The following AGBL4 variants were observed in gnomAD, a reference collection of about 807,000 sequenced individuals.
AGBL4 encodes AGBL carboxypeptidase 4.
In AGBL4, 58 loss-of-function variants were observed where a neutral mutation model predicts 66.4. That is an observed-to-expected ratio of 0.87 (90% CI 0.71 to 1.09). The LOEUF is 1.09. Among genes scored for constraint, AGBL4 ranks in the 50% least tolerant of loss-of-function variants. AGBL4 has a pLI of 0.00. For synonymous variants in AGBL4, 234 were observed against 222.9 expected, an observed-to-expected ratio of 1.05 and a Z score of -0.44; for missense variants, 579 against 631.0, an observed-to-expected ratio of 0.92 and a Z score of 0.88.
chr1:49,464,276 T>G, intron 3 of AGBL4, among the ~76,000 whole-genome samples: 1 of 151,850 alleles, frequency 6.6e-6, no homozygotes, highest in Non-Finnish European at 1.5e-5. Flanking sequence ...TGCTTAGACC[T>G]AAATGGAGAT....
chr1:49,689,549 C>T (rs1267427688), intron 3 of AGBL4, among the ~76,000 whole-genome samples: 2 of 151,996 alleles, frequency 1.3e-5, no homozygotes, highest in Admixed American at 6.6e-5. Context: ...AGCTTTGGTT[C>T]TTCTGGGTCT....
chr1:48,935,978 A>G lies in AGBL4; in HGVS notation c.595-68748T>C, dbSNP rs1268004458. On this transcript the variant is annotated intron_variant, in intron 5 of 13. Coordinates refer to ENST00000371839, the MANE Select transcript of AGBL4 (RefSeq NM_032785.4). Reference sequence around the variant, plus strand: ...TGTCTGAAAAAAAAAAAAAAAAAAAAAAAAAAAAAAAAAAAAAGATACAAG... The same window carrying G: ...TGTCTGAAAAAAAAAAAAAAAAAAAGAAAAAAAAAAAAAAAAAGATACAAG... Among the ~76,000 whole-genome samples the G allele has an allele frequency of 1.3e-4, 19 of 141,258 alleles. 1 individual carries two copies. Among genetic ancestry groups the G allele is most frequent in the Non-Finnish European group, 1.2e-4 (8 of 64,408 alleles). The allele number at this position is 141,258 out of a possible 152,430, so 92.7% of individuals were successfully genotyped here.
chr1:49,158,486 A>G (rs1240560112), intron 4 of AGBL4, among the ~76,000 whole-genome samples: 2 of 152,132 alleles, frequency 1.3e-5, no homozygotes, highest in Non-Finnish European at 2.9e-5. Flanking sequence ...TTTACTTCCA[A>G]TTATGTGGTT....
At chr1:48,609,788 A>C (rs931762640) in intron 9 of AGBL4, among the ~76,000 whole-genome samples, 1 of 152,192 alleles carries the variant, frequency 6.6e-6, no homozygotes, top group African/African-American at 2.4e-5. Flanking sequence ...TCCCCACTGC[A>C]TGCGGATGTC....
At chr1:49,368,470 G>C (rs985438787) in intron 3 of AGBL4, among the ~76,000 whole-genome samples, 7 of 151,972 alleles carry the variant, frequency 4.6e-5, no homozygotes, top group Admixed American at 2.6e-4. Context: ...TTTCTATGAG[G>C]AAGTTACCAT....
At chr1:49,642,610 G>A (rs1436518885) in intron 3 of AGBL4, among the ~76,000 whole-genome samples, 13 of 151,830 alleles carry the variant, frequency 8.6e-5, no homozygotes, top group Non-Finnish European at 1.5e-5. Context: ...CACCAAAAAG[G>A]ATTAAAAGGA....
Position 49,568,445 on chromosome 1 carries a change from C to T in AGBL4, c.282+128868G>A, listed in dbSNP as rs187512184. Among the ~76,000 whole-genome samples, 240 of 148,994 alleles carry T rather than the reference C, an allele frequency of 1.6e-3. 2 individuals are homozygous for T. The highest frequency in any genetic ancestry group is 5.7e-3 in the African/African-American group (230 of 40,472). On this transcript the variant is annotated intron_variant, in intron 3 of 13. Coordinates refer to ENST00000371839, the MANE Select transcript of AGBL4 (RefSeq NM_032785.4). ...AACTAGGCAGGGAGATGAAAGATCT[C>T]CCCAATGAGAACTACAAAACACTGC...
At chr1:49,430,711 A>G (rs1645767319) in intron 3 of AGBL4, among the ~76,000 whole-genome samples, 1 of 152,196 alleles carries the variant, frequency 6.6e-6, no homozygotes, top group Admixed American at 6.5e-5. Context: ...TCATAATCTG[A>G]ACACATCTGT....
chr1:49,231,351 C>G (rs923913997), intron 4 of AGBL4, among the ~76,000 whole-genome samples: 1 of 152,126 alleles, frequency 6.6e-6, no homozygotes, highest in Non-Finnish European at 1.5e-5. Flanking sequence ...AATAATTAAG[C>G]GCAATACTTA....
chr1:48,775,544 TCTC>T (rs774637005), intron 6 of AGBL4, among the ~76,000 whole-genome samples: 8 of 152,146 alleles, frequency 5.3e-5, no homozygotes, highest in Non-Finnish European at 8.8e-5. Flanking sequence ...TAAGGTTCAT[TCTC>T]CTTACCAGCA....
In AGBL4 at chr1:49,484,265, G is replaced by A. The variant is rs918464868; in HGVS notation, c.282+213048C>T. ...CTCCTAGGTATATATTCAAAAGTTG[G>A]GAAATCAACATACTGAAGAGATATC... On this transcript the variant is annotated intron_variant, in intron 3 of 13. Coordinates refer to ENST00000371839, the MANE Select transcript of AGBL4 (RefSeq NM_032785.4). 4.0e-5 allele frequency among the ~76,000 whole-genome samples: 6 copies of A among 151,674 alleles called. No individual in the cohort carries two copies. In the East Asian group the frequency reaches 1.2e-3, roughly 29 times the overall value.
At chr1:48,525,068 C>G in the AGBL4 span, among the ~76,000 whole-genome samples, 2 of 152,118 alleles carry the variant, frequency 1.3e-5, no homozygotes, top group African/African-American at 4.8e-5. Flanking sequence ...TCGCCACCAG[C>G]AGCAGCAGCA....
chr1:49,877,740 G>T (rs1392286615), intron 1 of AGBL4, among the ~76,000 whole-genome samples: 11 of 151,312 alleles, frequency 7.3e-5, no homozygotes, highest in East Asian at 2.0e-4. Context: ...AATGGTACCA[G>T]TTCCTCCTTG....
chr1:49,627,599 T>G (rs1323502517), intron 3 of AGBL4, among the ~76,000 whole-genome samples: 1 of 152,188 alleles, frequency 6.6e-6, no homozygotes, highest in African/African-American at 2.4e-5. Context: ...GGCATACCAC[T>G]TATAGTCCCT....
chr1:49,925,018 G>C (rs1350417159), intron 1 of AGBL4, among the ~76,000 whole-genome samples: 2 of 152,194 alleles, frequency 1.3e-5, no homozygotes, highest in African/African-American at 4.8e-5. Flanking sequence ...GGAAGAAGAG[G>C]AGCCAGGTAA....
Position 49,919,291 on chromosome 1 carries a change from C to T in AGBL4, c.35-67773G>A, listed in dbSNP as rs184069653. On this transcript the variant is annotated intron_variant, in intron 1 of 13. Transcript: ENST00000371839. ...ATTCAATTAGGAAAACAGGAAGTCA[C>T]ATTGGCCCTGTTTGCAGATGACATA... 3.9e-5 allele frequency among the ~76,000 whole-genome samples: 6 copies of T among 152,298 alleles called. No homozygotes were observed. In the East Asian group the frequency reaches 5.8e-4, roughly 15 times the overall value.
intron 5 of AGBL4, among the ~76,000 whole-genome samples, chr1:48,936,234 G>A (rs1368250557): frequency 6.6e-6 from 1 of 152,124 alleles, no homozygotes; most frequent in African/African-American, 2.4e-5. Context: ...CTCCACTCCA[G>A]CCTGGGTGAC....
chr1:49,058,158 G>A lies in AGBL4; in HGVS notation c.378-12358C>T, dbSNP rs1188380331. On this transcript the variant is annotated intron_variant, in intron 4 of 13. Coordinates refer to ENST00000371839, the MANE Select transcript of AGBL4 (RefSeq NM_032785.4). Reference sequence around the variant, plus strand: ...TCTACAGTGCAGAATCCTGCAAAATGTAGTATCCTGATTTGTTTCTAGATT... The same window carrying A: ...TCTACAGTGCAGAATCCTGCAAAATATAGTATCCTGATTTGTTTCTAGATT... Among the ~76,000 whole-genome samples, 3 of 152,338 alleles carry A rather than the reference G, an allele frequency of 2.0e-5. No homozygotes were observed. In the South Asian group the frequency reaches 6.2e-4, roughly 32 times the overall value.
At chr1:48,529,399 A>T (rs188388413), downstream of AGBL4, among the ~76,000 whole-genome samples, 275 of 152,206 alleles carry the variant, frequency 1.8e-3, 5 homozygotes, top group African/African-American at 6.3e-3. Flanking sequence ...TATTATATTC[A>T]ATTCTCACCA....
Sources: allele counts gnomAD v4.1 joint callset (sites outside exome capture counted in the v4.1 genomes callset), GRCh38; gene constraint gnomAD v4.1.1; transcripts MANE v1.5; gene names NCBI Gene and HGNC (gene_info 2026-07-23, HGNC 2026-07-21).